OCA2: variants seen among roughly 807,000 people sequenced by gnomAD.
The protein encoded by OCA2 is OCA2 melanosomal transmembrane protein.
Under a neutral mutation model 100.2 loss-of-function variants are expected in OCA2, and 77 were observed. The observed-to-expected ratio is 0.77, with a 90% confidence interval of 0.64 to 0.93. OCA2 has a LOEUF of 0.93. Ranked by LOEUF, OCA2 falls within the 40% of genes least tolerant of loss-of-function variation. The pLI is 0.00. For synonymous variants in OCA2, 432 were observed against 439.2 expected (o/e 0.98, Z 0.21); for missense variants, 1,062 against 1,089.1 (o/e 0.98, Z 0.35).
At chr15:27,920,471 A>G (rs1437737549) in intron 19 of OCA2, among the ~76,000 whole-genome samples, 2 of 152,196 alleles carry the variant, frequency 1.3e-5, no homozygotes, top group Non-Finnish European at 2.9e-5. Flanking sequence ...TACATTATCT[A>G]AAATTTCTAA....
intron 22 of OCA2, among the ~76,000 whole-genome samples, chr15:27,847,686 G>A (rs1425824884): frequency 1.3e-5 from 2 of 152,180 alleles, no homozygotes; most frequent in East Asian, 1.9e-4. Flanking sequence ...TGCAACAGAA[G>A]GAATGCTATA....
chr15:27,939,576 G>A (rs2039574281), intron 18 of OCA2, among the ~76,000 whole-genome samples: 1 of 152,188 alleles, frequency 6.6e-6, no homozygotes, highest in African/African-American at 2.4e-5. Flanking sequence ...CCTTACACAA[G>A]AATAACTAAG....
intron 11 of OCA2, among the ~76,000 whole-genome samples, chr15:27,987,609 G>C (rs527718353): frequency 6.6e-6 from 1 of 151,590 alleles, no homozygotes; most frequent in East Asian, 1.9e-4. Context: ...GGCGCCTGTA[G>C]TCCCAGCTAC....
At chr15:27,742,570 A>C in the OCA2 span, among the ~76,000 whole-genome samples, 1 of 152,180 alleles carries the variant, frequency 6.6e-6, no homozygotes, top group African/African-American at 2.4e-5. Flanking sequence ...AGGATGCAGC[A>C]CCGGGCCACC....
At chr15:28,024,299 G>A (rs529385700) in intron 5 of OCA2, among the ~76,000 whole-genome samples, 95 of 152,346 alleles carry the variant, frequency 6.2e-4, no homozygotes, top group Non-Finnish European at 9.6e-4. Context: ...TCTCACGTTG[G>A]TTTGGCTCCA....
At chr15:27,976,729 G>C (rs1301973973) in intron 14 of OCA2, among the ~76,000 whole-genome samples, 1 of 152,068 alleles carries the variant, frequency 6.6e-6, no homozygotes, top group Non-Finnish European at 1.5e-5. Flanking sequence ...GTTTTGTCTA[G>C]TTCACATATC....
At chr15:27,775,084 G>GTGTGTGTT (rs1455045160) in intron 23 of OCA2, among the ~76,000 whole-genome samples, 1 of 151,836 alleles carries the variant, frequency 6.6e-6, no homozygotes, top group Non-Finnish European at 1.5e-5. Context: ...GTGTGTGTGT[G>GTGTGTGTT]TGTGTGTGTG....
chr15:27,942,966 T>G (rs917399734), intron 18 of OCA2, among the ~76,000 whole-genome samples: 2 of 152,228 alleles, frequency 1.3e-5, no homozygotes, highest in African/African-American at 4.8e-5. Flanking sequence ...GATGTAAATA[T>G]TTTTATTATC....
chr15:27,775,063 C>CGTGTGTGT (rs66465683), intron 23 of OCA2, among the ~76,000 whole-genome samples: 11,755 of 142,916 alleles, frequency 0.082, 642 homozygotes, highest in Non-Finnish European at 0.13. Flanking sequence ...TTTTAGAACT[C>CGTGTGTGT]GTGTGTGTGT....
At chr15:27,907,208 G>A (rs891957910) in intron 19 of OCA2, among the ~76,000 whole-genome samples, 46 of 152,254 alleles carry the variant, frequency 3.0e-4, no homozygotes, top group African/African-American at 9.4e-4. Flanking sequence ...TGCTGCCAGT[G>A]CAACCAAGCT....
At chr15:28,009,727 C>CAA (rs1491585079) in intron 9 of OCA2, among the ~76,000 whole-genome samples, 2 of 148,214 alleles carry the variant, frequency 1.3e-5, no homozygotes, top group East Asian at 3.9e-4. Flanking sequence ...CACACACACA[C>CAA]AAAGTCAACA....
intron 21 of OCA2, among the ~76,000 whole-genome samples, chr15:27,870,732 G>GAAGA (rs1399738848): frequency 9.6e-6 from 1 of 104,236 alleles, no homozygotes; most frequent in African/African-American, 3.7e-5. Flanking sequence ...AAGAAGGAAG[G>GAAGA]AAGGGAGGGA....
chr15:27,851,526 C>T, intron 21 of OCA2, 51 bp from the exon 22 acceptor site: 2 of 1,427,482 alleles, frequency 1.4e-6, no homozygotes, highest in Non-Finnish European at 2.0e-6. Flanking sequence ...CTCAGAGAAG[C>T]TGCCATACTG....
Position 27,870,556 on chromosome 15 carries a change from T to C in OCA2, c.2244+598A>G, listed in dbSNP as rs141516362. Among the ~76,000 whole-genome samples, 222 of 152,228 alleles carry C rather than the reference T, an allele frequency of 1.5e-3. 7 individuals are homozygous for C. The East Asian group carries it at 0.039, about 27-fold the overall frequency. Reference sequence around the variant, plus strand: ...TCAAGACCACACAGAGAATGAAAGATCTTGCCCAGGCCAAGCACTAGGAGA... The same window carrying C: ...TCAAGACCACACAGAGAATGAAAGACCTTGCCCAGGCCAAGCACTAGGAGA... On this transcript the variant is annotated intron_variant, in intron 21 of 23. Coordinates refer to ENST00000354638, the MANE Select transcript of OCA2 (RefSeq NM_000275.3).
intron 3 of OCA2, among the ~76,000 whole-genome samples, chr15:28,028,615 G>A (rs958411501): frequency 6.6e-6 from 1 of 152,078 alleles, no homozygotes; most frequent in African/African-American, 2.4e-5. Context: ...TGACTCAAGG[G>A]GAATCATAAA....
chr15:27,728,911 G>T, the OCA2 span, among the ~76,000 whole-genome samples: 1 of 152,158 alleles, frequency 6.6e-6, no homozygotes, highest in African/African-American at 2.4e-5. Flanking sequence ...AACCTGGAAG[G>T]ACTGAGAGTT....
intron 19 of OCA2, among the ~76,000 whole-genome samples, chr15:27,884,776 T>TA (rs2037158220): frequency 6.6e-6 from 1 of 152,220 alleles, no homozygotes; most frequent in South Asian, 2.1e-4. Context: ...TTGATAGTGA[T>TA]ACGTATTTTT....
chr15:27,975,455 T>C (rs2040936023), intron 14 of OCA2, among the ~76,000 whole-genome samples: 7 of 152,206 alleles, frequency 4.6e-5, no homozygotes, highest in Admixed American at 2.6e-4. Flanking sequence ...TTGAGTTAAT[T>C]TGTGGATATA....
intron 2 of OCA2, among the ~76,000 whole-genome samples, chr15:28,073,709 C>T (rs985121995): frequency 6.6e-6 from 1 of 152,170 alleles, no homozygotes; most frequent in East Asian, 1.9e-4. Context: ...ACATAATATT[C>T]TCATGTAACA....
Sources: gnomAD v4.1 joint callset for allele counts (sites outside exome capture counted in the v4.1 genomes callset) on GRCh38, gnomAD v4.1.1 for gene constraint, MANE v1.5 for transcripts, NCBI Gene and HGNC (gene_info 2026-07-23, HGNC 2026-07-21) for gene names.